Variants in LYPLAL1 observed in about 807,000 individuals in gnomAD.
LYPLAL1 encodes lysophospholipase like 1, also known as lysophospholipase-like protein 1.
In LYPLAL1, 23 loss-of-function variants were observed where a neutral mutation model predicts 19.7. That is an observed-to-expected ratio of 1.17 (90% CI 0.84 to 1.65). The LOEUF (loss-of-function observed/expected upper bound fraction) is 1.65, where lower values mean the gene tolerates loss of function less well. Ranked by LOEUF, LYPLAL1 falls within the 40% of genes most tolerant of loss-of-function variation. LYPLAL1 has a pLI of 0.00. For missense variants in LYPLAL1, 355 were observed against 279.4 expected (o/e 1.27, Z -1.93); for synonymous variants, 119 against 96.3 (o/e 1.24, Z -1.38).
At chr1:219,399,447 C>G in the LYPLAL1 span, among the ~76,000 whole-genome samples, 1 of 152,148 alleles carries the variant, frequency 6.6e-6, no homozygotes, top group Non-Finnish European at 1.5e-5. Flanking sequence ...GGACTGCACT[C>G]CTGCCACAGA....
chr1:219,206,562 G>A (rs2125106333), intron 3 of LYPLAL1, among the ~76,000 whole-genome samples: 1 of 152,064 alleles, frequency 6.6e-6, no homozygotes, highest in East Asian at 1.9e-4. Flanking sequence ...ATCATAAATG[G>A]GAAAGGGACT....
At chr1:219,372,771 A>G in the LYPLAL1 span, among the ~76,000 whole-genome samples, 1 of 151,982 alleles carries the variant, frequency 6.6e-6, no homozygotes, top group Non-Finnish European at 1.5e-5. Flanking sequence ...AAGCATGGTG[A>G]TATGCCCCTA....
At chr1:219,230,777 T>C in the LYPLAL1 span, among the ~76,000 whole-genome samples, 1 of 152,198 alleles carries the variant, frequency 6.6e-6, no homozygotes, top group African/African-American at 2.4e-5. Context: ...TCAACTTAAA[T>C]ACTCATGGAT....
chr1:219,412,357 G>A, the LYPLAL1 span, among the ~76,000 whole-genome samples: 2 of 152,186 alleles, frequency 1.3e-5, no homozygotes, highest in Non-Finnish European at 2.9e-5. Flanking sequence ...TTGGTTTAAT[G>A]TTGGCACTTC....
chr1:219,404,817 A>G, the LYPLAL1 span, among the ~76,000 whole-genome samples: 1 of 152,218 alleles, frequency 6.6e-6, no homozygotes, highest in African/African-American at 2.4e-5. Flanking sequence ...GTTTGAGGTG[A>G]TGGATATCCC....
At chr1:219,224,310 C>G in the LYPLAL1 span, among the ~76,000 whole-genome samples, 1 of 152,158 alleles carries the variant, frequency 6.6e-6, no homozygotes, top group African/African-American at 2.4e-5. Flanking sequence ...AGTCTAACAA[C>G]AGTATTTTTA....
chr1:219,233,818 TTAAA>T, the LYPLAL1 span, among the ~76,000 whole-genome samples: 1 of 151,998 alleles, frequency 6.6e-6, no homozygotes, highest in South Asian at 2.1e-4. Context: ...TTTTAGCACT[TTAAA>T]TAAAAAAGGC....
the LYPLAL1 span, among the ~76,000 whole-genome samples, chr1:219,242,676 A>T: frequency 6.6e-6 from 1 of 151,870 alleles, no homozygotes. Context: ...GAATCTTGCT[A>T]TAAGAATTAC....
chr1:219,214,163 A>G (rs1277522902), downstream of LYPLAL1, among the ~76,000 whole-genome samples: 3 of 152,028 alleles, frequency 2.0e-5, no homozygotes, highest in Admixed American at 6.6e-5. Flanking sequence ...TTTCTTCTTC[A>G]GTCTGTTACT....
At chr1:219,427,624 G>A in the LYPLAL1 span, among the ~76,000 whole-genome samples, 1 of 152,204 alleles carries the variant, frequency 6.6e-6, no homozygotes, top group Non-Finnish European at 1.5e-5. Flanking sequence ...GCCAGTGTTA[G>A]AGAGGCATGG....
the LYPLAL1 span, among the ~76,000 whole-genome samples, chr1:219,249,100 A>G: frequency 6.6e-6 from 1 of 152,002 alleles, no homozygotes; most frequent in East Asian, 1.9e-4. Flanking sequence ...GATATCTCAC[A>G]ATGAAACCAT....
the LYPLAL1 span, among the ~76,000 whole-genome samples, chr1:219,220,938 G>A: frequency 2.0e-5 from 3 of 152,156 alleles, no homozygotes; most frequent in African/African-American, 4.8e-5. Flanking sequence ...TTGCAGTAAG[G>A]CAGCATTTAC....
chr1:219,174,931 GAAA>G (rs557712792), intron 1 of LYPLAL1: 2 of 985,250 alleles, frequency 2.0e-6, no homozygotes. Flanking sequence ...AATTGTAAGA[GAAA>G]AAAATGTGGT....
chr1:219,174,619 CCTTAGTAACG>C (rs1291238507), intron 1 of LYPLAL1, among the ~76,000 whole-genome samples: 1 of 152,166 alleles, frequency 6.6e-6, no homozygotes, highest in Non-Finnish European at 1.5e-5. Flanking sequence ...CACTACCTGC[CCTTAGTAACG>C]TGTGCTTAAT....
the LYPLAL1 span, among the ~76,000 whole-genome samples, chr1:219,307,258 A>G: frequency 6.6e-6 from 1 of 152,118 alleles, no homozygotes; most frequent in Non-Finnish European, 1.5e-5. Flanking sequence ...GAGTCTTCAC[A>G]TATACCCCTT....
the LYPLAL1 span, among the ~76,000 whole-genome samples, chr1:219,294,357 C>G: frequency 6.6e-6 from 1 of 152,208 alleles, no homozygotes; most frequent in African/African-American, 2.4e-5. Flanking sequence ...CCTCAACTTT[C>G]CATTCCATCC....
chr1:219,278,639 C>T, the LYPLAL1 span, among the ~76,000 whole-genome samples: 1 of 151,828 alleles, frequency 6.6e-6, no homozygotes, highest in Non-Finnish European at 1.5e-5. Context: ...TCTTATCTTT[C>T]TCAATATTGA....
intron 2 of LYPLAL1, among the ~76,000 whole-genome samples, chr1:219,190,605 TAG>T (rs1316197521): frequency 5.5e-5 from 6 of 108,386 alleles, no homozygotes; most frequent in Admixed American, 1.2e-4. Context: ...ATATCAAATG[TAG>T]AGTCTTTTGT....
the LYPLAL1 span, among the ~76,000 whole-genome samples, chr1:219,321,268 AC>A: frequency 6.6e-6 from 1 of 151,964 alleles, no homozygotes; most frequent in Admixed American, 6.6e-5. Context: ...CATATCCTTC[AC>A]CCACTTTTTG....
Sources: allele counts gnomAD v4.1 joint callset (sites outside exome capture counted in the v4.1 genomes callset), GRCh38; gene constraint gnomAD v4.1.1; transcripts MANE v1.5; gene names NCBI Gene and HGNC (gene_info 2026-07-23, HGNC 2026-07-21).